HMGN5: variants seen among roughly 807,000 people sequenced by gnomAD.
HMGN5 encodes the protein high mobility group nucleosome-binding domain-containing protein 5.
HMGN5 carries 4 observed loss-of-function variants against 9.5 expected under a neutral mutation model. The ratio of observed to expected loss-of-function variants is 0.42; its 90% CI spans 0.21 to 0.96. HMGN5 has a LOEUF of 0.96. Ranked by LOEUF, HMGN5 falls within the 40% of genes least tolerant of loss-of-function variation. The pLI is 0.30. For synonymous variants in HMGN5, 55 were observed against 57.1 expected, an observed-to-expected ratio of 0.96 and a Z score of 0.16; for missense variants, 192 against 187.5, an observed-to-expected ratio of 1.02 and a Z score of -0.14.
intron 1 of HMGN5, among the ~76,000 whole-genome samples, chrX:81,133,998 T>G (rs994620278): frequency 5.4e-5 from 6 of 111,933 alleles, no homozygotes; most frequent in Non-Finnish European, 9.4e-5. Flanking sequence ...TATGTTTTTA[T>G]TATAATGAGC....
At chrX:81,116,867 G>A (rs903760189) in intron 5 of HMGN5, among the ~76,000 whole-genome samples, 1 of 111,517 alleles carries the variant, frequency 9.0e-6, no homozygotes, top group Non-Finnish European at 1.9e-5. Flanking sequence ...CTACAAGTTT[G>A]GAATGCCCTG....
intron 1 of HMGN5, among the ~76,000 whole-genome samples, chrX:81,168,435 G>T (rs2075416900): frequency 9.0e-6 from 1 of 111,440 alleles, no homozygotes; most frequent in Non-Finnish European, 1.9e-5. Flanking sequence ...TTGGTGGGGG[G>T]CTGACTGTCC....
chrX:81,199,853 C>A (rs1474961298), intron 1 of HMGN5, among the ~76,000 whole-genome samples: 1 of 111,797 alleles, frequency 8.9e-6, no homozygotes, highest in African/African-American at 3.3e-5. Flanking sequence ...AAAGCAATGG[C>A]AACAAAAGCC....
intron 1 of HMGN5, among the ~76,000 whole-genome samples, chrX:81,156,719 T>C (rs999092866): frequency 1.8e-5 from 2 of 111,256 alleles, no homozygotes; most frequent in African/African-American, 6.5e-5. Flanking sequence ...CAAGGGCCTA[T>C]CTCATAGTAA....
chrX:81,151,341 G>A (rs1459302689), intron 1 of HMGN5, among the ~76,000 whole-genome samples: 1 of 111,413 alleles, frequency 9.0e-6, no homozygotes, highest in Non-Finnish European at 1.9e-5. Flanking sequence ...TGCTGTTTTG[G>A]TTACTGTAGC....
intron 1 of HMGN5, among the ~76,000 whole-genome samples, chrX:81,175,516 G>A (rs1182680683): frequency 9.0e-6 from 1 of 111,452 alleles, no homozygotes; most frequent in Non-Finnish European, 1.9e-5. Context: ...ATTTTTATAA[G>A]GAGTTTGAAG....
intron 1 of HMGN5, among the ~76,000 whole-genome samples, chrX:81,179,334 G>A (rs2075453406): frequency 8.9e-6 from 1 of 111,766 alleles, no homozygotes; most frequent in Non-Finnish European, 1.9e-5. Context: ...TCCTTAAGCT[G>A]ATAAGCAACT....
chrX:81,144,865 A>G (rs74628417), intron 1 of HMGN5, among the ~76,000 whole-genome samples: 1 of 112,082 alleles, frequency 8.9e-6, no homozygotes, highest in East Asian at 2.8e-4. Flanking sequence ...AAAAGTATCA[A>G]TTGCCAAATC....
At chrX:81,190,227 G>A (rs2075490300) in intron 1 of HMGN5, among the ~76,000 whole-genome samples, 1 of 111,771 alleles carries the variant, frequency 8.9e-6, no homozygotes, top group African/African-American at 3.2e-5. Flanking sequence ...TTTTCTCCCA[G>A]TCTCTGGCTT....
rs142173136 is a variant in HMGN5 at position 81,119,810 on chromosome X, C to A, written c.23G>T (p.Gly8Val). The A allele has an allele frequency of 2.9e-3, 3,535 of 1,204,023 alleles. 7 individuals are homozygous for A. Among genetic ancestry groups the A allele is most frequent in the Non-Finnish European group, 3.6e-3 (3,231 of 889,905 alleles). Residue 8 changes from glycine (G) to valine (V), a missense_variant, in exon 3 of 7, where the codon GGT (glycine) becomes GTT (valine). Physicochemically the swap from Gly to Val is moderately radical, Grantham distance 109. Transcript: ENST00000358130. ...CACCTCCTGCCTCATATCACCTTGA[C>A]CTGCAGCCTACACAGAGGAGAAAAC... MPKRKAA[G>V]QGDMRQEPKR...
chrX:81,166,166 T>A (rs1436123094), intron 1 of HMGN5, among the ~76,000 whole-genome samples: 1 of 110,796 alleles, frequency 9.0e-6, no homozygotes, highest in Non-Finnish European at 1.9e-5. Flanking sequence ...AATGACAAAA[T>A]TGCCCCCAGT....
At chrX:81,148,058 C>A (rs1458194325) in intron 1 of HMGN5, among the ~76,000 whole-genome samples, 2 of 111,787 alleles carry the variant, frequency 1.8e-5, no homozygotes, top group Non-Finnish European at 3.8e-5. Flanking sequence ...CCATACTGCC[C>A]AAAGTAATTT....
At chrX:81,120,446 C>T (rs1283592507) in intron 2 of HMGN5, among the ~76,000 whole-genome samples, 1 of 111,094 alleles carries the variant, frequency 9.0e-6, no homozygotes, top group Non-Finnish European at 1.9e-5. Flanking sequence ...AGCACAGTGG[C>T]GGGAATCTCA....
chrX:81,194,945 C>A (rs2075503772), intron 1 of HMGN5, among the ~76,000 whole-genome samples: 1 of 112,035 alleles, frequency 8.9e-6, no homozygotes, highest in Non-Finnish European at 1.9e-5. Context: ...ATTTTCAGCT[C>A]ACTGTAACTG....
chrX:81,157,942 G>A (rs1418180596), intron 1 of HMGN5, among the ~76,000 whole-genome samples: 1 of 110,031 alleles, frequency 9.1e-6, no homozygotes, highest in Admixed American at 9.7e-5. Context: ...ACCATGCCCG[G>A]CTACTTTTTT....
At chrX:81,155,075 GTATA>G (rs761895749) in intron 1 of HMGN5, among the ~76,000 whole-genome samples, 28 of 68,935 alleles carry the variant, frequency 4.1e-4, no homozygotes, top group South Asian at 2.1e-3. Context: ...GTATATATCA[GTATA>G]TATATATATA....
At chrX:81,171,013 C>T (rs1290112932) in intron 1 of HMGN5, among the ~76,000 whole-genome samples, 1 of 111,223 alleles carries the variant, frequency 9.0e-6, no homozygotes, top group Non-Finnish European at 1.9e-5. Context: ...TAATATGCTG[C>T]CTTCCAGGGA....
intron 2 of HMGN5, among the ~76,000 whole-genome samples, chrX:81,120,559 C>G (rs926946985): frequency 9.0e-6 from 1 of 110,824 alleles, no homozygotes; most frequent in African/African-American, 3.3e-5. Flanking sequence ...CCACAGAGCA[C>G]GGGGGAATTT....
intron 1 of HMGN5, among the ~76,000 whole-genome samples, chrX:81,165,901 G>T (rs1208560301): frequency 1.8e-5 from 2 of 111,304 alleles, no homozygotes; most frequent in Non-Finnish European, 3.8e-5. Flanking sequence ...CAGTTAATTG[G>T]TGACCTATTT....
Sources: allele counts gnomAD v4.1 joint callset (sites outside exome capture counted in the v4.1 genomes callset), GRCh38; gene constraint gnomAD v4.1.1; transcripts MANE v1.5; gene names NCBI Gene and HGNC (gene_info 2026-07-23, HGNC 2026-07-21).